CS: variants seen among roughly 807,000 people sequenced by gnomAD.
The protein encoded by CS is citrate synthase.
In CS, 13 loss-of-function variants were observed where a neutral mutation model predicts 61.4. That is an observed-to-expected ratio of 0.21 (90% CI 0.14 to 0.34). The LOEUF is 0.34. CS is among the 10% of genes least tolerant of loss of function. The pLI, the probability that CS is intolerant of heterozygous loss-of-function variation, is 1.00. For missense variants in CS, 278 were observed against 573.4 expected (o/e 0.48, Z 5.26); for synonymous variants, 159 against 215.2 (o/e 0.74, Z 2.29).
chr12:56,291,749 GCT>G (rs1231581502), intron 1 of CS: 2 of 152,242 alleles, frequency 1.3e-5, no homozygotes, highest in African/African-American at 4.8e-5. Flanking sequence ...TGGAACAGCA[GCT>G]CTCAGGAGAA....
intron 10 of CS, 43 bp downstream of exon 10, chr12:56,273,544 G>A (rs1255970134): frequency 6.3e-7 from 1 of 1,583,120 alleles, no homozygotes; most frequent in South Asian, 1.1e-5. Flanking sequence ...TAACAATAGG[G>A]TTTGGTACAA....
In CS at chr12:56,282,962, A is replaced by G. The variant is rs766957618; in HGVS notation, c.297T>C (p.Pro99=). The change falls in exon 5 of 11, where the codon CCT becomes CCC. Residue 99 remains proline, a synonymous_variant. Coordinates refer to ENST00000351328, the MANE Select transcript of CS (RefSeq NM_004077.3). ...EGIRFRGFSI[P]ECQKLLPKAK... is the part of the protein sequence containing the mutation. ...CCTTGGGTAGCAGTTTCTGGCATTC[A>G]GGGATACTAAAGCCTCGGAAACGGA... 5.6e-6 allele frequency: 9 copies of G among 1,614,042 alleles called. No homozygotes were observed. The highest frequency in any genetic ancestry group is 7.6e-6 in the Non-Finnish European group (9 of 1,180,018).
intron 1 of CS, among the ~76,000 whole-genome samples, chr12:56,292,180 G>C (rs1350768336): frequency 6.6e-6 from 1 of 152,116 alleles, no homozygotes; most frequent in Non-Finnish European, 1.5e-5. Context: ...GGCAGATCAC[G>C]GGGTCAGGAG....
At chr12:56,300,039 G>T in intron 1 of CS, 121 bp downstream of exon 1, 1 of 939,012 alleles carries the variant, frequency 1.1e-6, no homozygotes, top group Non-Finnish European at 1.6e-6. Flanking sequence ...CCAGCCAAGC[G>T]CAGGGCCCTT....
At position 56,282,989 on chromosome 12, in the gene CS, G is replaced by A. The variant is rs1872819602; in HGVS notation, c.270C>T (p.Gly90=). The change falls in exon 5 of 11, where the codon GGC becomes GGT. Residue 90 remains glycine (G), a splice_region_variant and synonymous_variant. Coordinates refer to ENST00000351328, the MANE Select transcript of CS (RefSeq NM_004077.3). ...GGATACTAAAGCCTCGGAAACGGATGCCCTTGAGAGAGGAGAGAGAGAATT... is the reference window on the plus strand; with the variant it reads ...GGATACTAAAGCCTCGGAAACGGATACCCTTGAGAGAGGAGAGAGAGAATT... ...YETSVLDPDE[G]IRFRGFSIPE... 1.9e-6 allele frequency: 3 copies of A among 1,614,016 alleles called. No individual in the cohort carries two copies. The highest frequency in any genetic ancestry group is 1.7e-6 in the Non-Finnish European group (2 of 1,180,012).
intron 4 of CS, among the ~76,000 whole-genome samples, chr12:56,283,438 T>C (rs1329966625): frequency 6.6e-6 from 1 of 151,914 alleles, no homozygotes; most frequent in Non-Finnish European, 1.5e-5. Flanking sequence ...ACAGACAGGG[T>C]TTCGCCGTGT....
In CS at chr12:56,273,616, C is replaced by A; in HGVS notation, c.1201G>T (p.Val401Leu). 6.2e-7 allele frequency: 1 copy of A among 1,614,044 alleles called. No individual in the cohort carries two copies. Among genetic ancestry groups the A allele is most frequent in the Non-Finnish European group, 8.5e-7 (1 of 1,179,946 alleles). ...QGKAKNPWPNVDAHSGVLLQY... is the reference protein window; with the variant it reads ...QGKAKNPWPNLDAHSGVLLQY... ...AGCAGCACCCCACTGTGAGCATCTA[C>A]ATTGGGCCAAGGATTCTTGGCTTTA... is the stretch of plus-strand genomic sequence containing the variant. The change falls in exon 10 of 11, where the codon GTA becomes TTA. Residue 401 changes from valine (V) to leucine (L), a missense_variant. By Grantham distance (32) the Val-to-Leu change is conservative. Around this residue, in one of 2 missense-constraint regions of CS, gnomAD observed 223 missense variants for 503.5 expected, o/e 0.44. Coordinates refer to ENST00000351328, the MANE Select transcript of CS (RefSeq NM_004077.3).
intron 6 of CS, among the ~76,000 whole-genome samples, chr12:56,280,413 TCC>T (rs10656290): frequency 0.88 from 97,394 of 110,366 alleles, 44,567 homozygotes; most frequent in East Asian, 0.99. Context: ...AGACACCGTC[TCC>T]CAAAAAAAAC....
rs748288800 is a variant in CS, at chr12:56,286,007, AAT to A, written c.108_109del (p.Leu37GlyfsTer2). ...CTGCTCCTTAGGTATCAGGTCAGCC[AAT>A]ATGTCTTTCAAATTCTAAAAAGAAA... On this transcript the variant is annotated frameshift_variant, in exon 3 of 11. Transcript: ENST00000351328. LOFTEE classifies it high-confidence loss of function. 1 of 1,613,816 alleles carries A rather than the reference AAT, an allele frequency of 6.2e-7. No individual in the cohort carries two copies. The highest frequency in any genetic ancestry group is 8.5e-7 in the Non-Finnish European group (1 of 1,179,758).
intron 6 of CS, among the ~76,000 whole-genome samples, chr12:56,277,077 G>A (rs1218706812): frequency 6.6e-6 from 1 of 151,038 alleles, no homozygotes; most frequent in East Asian, 2.0e-4. Context: ...GTGGGCCGGC[G>A]CCTATAATCC....
intron 1 of CS, among the ~76,000 whole-genome samples, chr12:56,287,880 A>G (rs1231369643): frequency 6.6e-6 from 1 of 151,526 alleles, no homozygotes; most frequent in Non-Finnish European, 1.5e-5. Flanking sequence ...CTGGTCTCAA[A>G]CTCCTGACCT....
intron 6 of CS, among the ~76,000 whole-genome samples, chr12:56,276,526 T>C (rs963875440): frequency 6.6e-6 from 1 of 152,200 alleles, no homozygotes; most frequent in African/African-American, 2.4e-5. Flanking sequence ...GGTTAAATGC[T>C]AAAGTCAAGT....
intron 1 of CS, among the ~76,000 whole-genome samples, chr12:56,288,793 C>T (rs947616029): frequency 3.4e-5 from 5 of 149,032 alleles, no homozygotes; most frequent in South Asian, 2.2e-4. Flanking sequence ...GGATTACAGG[C>T]GCACATCACC....
rs1014835233 is a variant in CS, at chr12:56,284,909, A to C, written c.201+1007T>G. Reference sequence around the variant, plus strand: ...TGAGACTCCGTCCCAAAAAAAAAAAAAAAAACAGGGTTTTGCCAGCCATGT... The same window carrying C: ...TGAGACTCCGTCCCAAAAAAAAAAACAAAAACAGGGTTTTGCCAGCCATGT... On this transcript the variant is annotated intron_variant, in intron 3 of 10. Coordinates refer to ENST00000351328, the MANE Select transcript of CS (RefSeq NM_004077.3). 8.6e-5 allele frequency among the ~76,000 whole-genome samples: 13 copies of C among 151,832 alleles called. 1 individual carries two copies. Among genetic ancestry groups the C allele is most frequent in the African/African-American group, 1.9e-4 (8 of 41,460 alleles).
In CS at chr12:56,281,556, CAA is replaced by C. The variant is rs201604419; in HGVS notation, c.588+862_588+863del. On this transcript the variant is annotated intron_variant, in intron 6 of 10. Coordinates refer to ENST00000351328, the MANE Select transcript of CS (RefSeq NM_004077.3). ...TGTTCTCCCAACTTGTAAGATTTCT[CAA>C]AGTTTTCTGTATTTGAAGAAGATAG... Among the ~76,000 whole-genome samples, 63 of 152,312 alleles carry C rather than the reference CAA, an allele frequency of 4.1e-4. No individual in the cohort carries two copies. In the East Asian group the frequency reaches 0.011, roughly 27 times the overall value.
At chr12:56,297,224 G>A (rs1248215145) in intron 1 of CS, among the ~76,000 whole-genome samples, 1 of 152,166 alleles carries the variant, frequency 6.6e-6, no homozygotes, top group African/African-American at 2.4e-5. Context: ...GTGAACTGCA[G>A]CCCTACTTCA....
chr12:56,280,182 G>C (rs1466709034), intron 6 of CS, among the ~76,000 whole-genome samples: 5 of 151,946 alleles, frequency 3.3e-5, no homozygotes, highest in Non-Finnish European at 7.4e-5. Context: ...TTGGGAGGCC[G>C]AGGTGGGCAG....
chr12:56,290,541 A>T (rs1873089265), intron 1 of CS, among the ~76,000 whole-genome samples: 2 of 152,174 alleles, frequency 1.3e-5, no homozygotes, highest in Non-Finnish European at 2.9e-5. Flanking sequence ...GTTCGGTGTC[A>T]GGTTCAGTCA....
intron 2 of CS, 76 bp from the exon 3 acceptor site, chr12:56,286,099 A>G (rs1872932336): frequency 7.5e-7 from 1 of 1,336,130 alleles, no homozygotes; most frequent in South Asian, 1.2e-5. Flanking sequence ...TGTGTCAAGA[A>G]TTTGCTTTTT....
Sources: gnomAD v4.1 joint callset for allele counts (sites outside exome capture counted in the v4.1 genomes callset) on GRCh38, gnomAD v4.1.1 for gene constraint, gnomAD v4.1.1 regional missense constraint, MANE v1.5 for transcripts, NCBI Gene and HGNC (gene_info 2026-07-23, HGNC 2026-07-21) for gene names.